The following FBXL2 variants were observed in gnomAD, a reference collection of about 807,000 sequenced individuals.
The protein encoded by FBXL2 is F-box and leucine rich repeat protein 2, also known as F-box/LRR-repeat protein 2.
FBXL2 carries 38 observed loss-of-function variants against 69.2 expected under a neutral mutation model. The ratio of observed to expected loss-of-function variants is 0.55; its 90% CI spans 0.42 to 0.72. The LOEUF (loss-of-function observed/expected upper bound fraction) is 0.72. FBXL2 is among the 30% of genes least tolerant of loss of function. The pLI is 0.00. For synonymous variants in FBXL2, 192 were observed against 201.3 expected (o/e 0.95, Z 0.39); for missense variants, 354 against 520.3 (o/e 0.68, Z 3.11).
chr3:33,280,827 T>G (rs191931068), intron 1 of FBXL2, among the ~76,000 whole-genome samples: 7 of 152,194 alleles, frequency 4.6e-5, no homozygotes, highest in Admixed American at 2.0e-4. Flanking sequence ...GTTTTTGTTA[T>G]TGTTTAACAC....
At chr3:33,331,618 A>G (rs762349243) in intron 2 of FBXL2, among the ~76,000 whole-genome samples, 59 of 152,340 alleles carry the variant, frequency 3.9e-4, no homozygotes, top group Non-Finnish European at 6.9e-4. Context: ...TGCTAGAAGG[A>G]TGAAACCTTT....
intron 2 of FBXL2, among the ~76,000 whole-genome samples, chr3:33,324,294 C>A (rs111994038): frequency 6.6e-6 from 1 of 152,102 alleles, no homozygotes; most frequent in Non-Finnish European, 1.5e-5. Context: ...TGTGCAGAAG[C>A]TTTTTAGTTT....
intron 2 of FBXL2, among the ~76,000 whole-genome samples, chr3:33,307,815 T>C (rs1204009758): frequency 1.3e-5 from 2 of 152,128 alleles, no homozygotes; most frequent in Non-Finnish European, 2.9e-5. Context: ...AACTTTACTG[T>C]AAATCAGAAA....
At chr3:33,391,808 A>G (rs1247746961), downstream of FBXL2, 3 of 152,240 alleles carry the variant, frequency 2.0e-5, no homozygotes, top group Non-Finnish European at 4.4e-5. Context: ...AAATCTAGTC[A>G]CATTACTACT....
At chr3:33,420,067 T>G in the FBXL2 span, among the ~76,000 whole-genome samples, 2 of 152,256 alleles carry the variant, frequency 1.3e-5, no homozygotes, top group South Asian at 2.1e-4. Context: ...TAGTCTAGCT[T>G]CATCAAATGG....
intron 12 of FBXL2, among the ~76,000 whole-genome samples, chr3:33,394,170 C>T (rs1008424125): frequency 1.1e-4 from 17 of 149,242 alleles, no homozygotes; most frequent in African/African-American, 2.2e-4. Flanking sequence ...TGGGGGCACA[C>T]GCCACCATGC....
intron 2 of FBXL2, among the ~76,000 whole-genome samples, chr3:33,356,472 C>T (rs1243065409): frequency 2.0e-5 from 3 of 152,124 alleles, no homozygotes; most frequent in Non-Finnish European, 2.9e-5. Context: ...GCCTCAGCCT[C>T]CTAAGTAACT....
chr3:33,411,497 G>C, the FBXL2 span: 1 of 1,155,334 alleles, frequency 8.7e-7, no homozygotes, highest in Non-Finnish European at 1.3e-6. Flanking sequence ...ACATTTAAAG[G>C]AAATGATACT....
intron 11 of FBXL2, 37 bp from the exon 12 acceptor site, chr3:33,378,066 G>A: frequency 1.2e-6 from 2 of 1,608,996 alleles, no homozygotes; most frequent in Non-Finnish European, 1.7e-6. Flanking sequence ...TGTCACCACT[G>A]ACTCACATGT....
chr3:33,393,971 T>C (rs927096762), intron 12 of FBXL2, among the ~76,000 whole-genome samples: 8 of 152,046 alleles, frequency 5.3e-5, no homozygotes, highest in Admixed American at 1.3e-4. Flanking sequence ...ATATACTTCA[T>C]GTATTTCTAG....
At chr3:33,324,775 T>C (rs2038546971) in intron 2 of FBXL2, among the ~76,000 whole-genome samples, 1 of 152,222 alleles carries the variant, frequency 6.6e-6, no homozygotes. Flanking sequence ...AGGAGTGTCT[T>C]GGCCATACGG....
chr3:33,315,584 T>C (rs1383699896), intron 2 of FBXL2, among the ~76,000 whole-genome samples: 1 of 152,144 alleles, frequency 6.6e-6, no homozygotes, highest in Non-Finnish European at 1.5e-5. Flanking sequence ...GCATTGTCTT[T>C]TTTGTTTACT....
intron 2 of FBXL2, among the ~76,000 whole-genome samples, chr3:33,307,806 A>G (rs1348694250): frequency 6.6e-6 from 1 of 152,124 alleles, no homozygotes; most frequent in Non-Finnish European, 1.5e-5. Flanking sequence ...TACTTTTGCA[A>G]CTTTACTGTA....
At chr3:33,384,315 C>A in intron 14 of FBXL2, 114 bp downstream of exon 14, 2 of 1,002,118 alleles carry the variant, frequency 2.0e-6, no homozygotes, top group Non-Finnish European at 1.5e-6. Context: ...AATCCCAACA[C>A]TTTCAGAAGC....
intron 12 of FBXL2, chr3:33,403,126 A>G (rs2044293882): frequency 2.1e-6 from 1 of 471,392 alleles, no homozygotes; most frequent in Non-Finnish European, 3.8e-6. Context: ...GAGAAGACCT[A>G]AAGTGATGAC....
chr3:33,330,879 ACT>A (rs1405071099), intron 2 of FBXL2, among the ~76,000 whole-genome samples: 1 of 151,534 alleles, frequency 6.6e-6, no homozygotes, highest in Admixed American at 6.6e-5. Context: ...ACAGAACGAG[ACT>A]CTGTCACACA....
chr3:33,370,468 G>GT (rs1351547754), intron 5 of FBXL2, among the ~76,000 whole-genome samples: 3 of 150,390 alleles, frequency 2.0e-5, no homozygotes, highest in Admixed American at 6.6e-5. Flanking sequence ...ACTATTTTTT[G>GT]TTTTTTGTAT....
rs1461292027 is a variant in FBXL2 at position 33,385,600 on chromosome 3, A to C, written c.1264A>C (p.Ile422Leu). The change falls in exon 15 of 15, where the codon ATT (isoleucine) becomes CTT (leucine). Residue 422 changes from isoleucine (I) to leucine (L), a missense_variant. Coordinates refer to ENST00000484457, the MANE Select transcript of FBXL2 (RefSeq NM_012157.5). ...SGQRLCRCCV[I>L]L The stretch of plus-strand genomic sequence containing the variant: ...ACAGCGACTGTGCAGGTGCTGTGTC[A>C]TTCTCTGACAGCAGCTGCCTGGGCC... 1 of 1,613,586 alleles carries C rather than the reference A, an allele frequency of 6.2e-7. No homozygotes were observed. Among genetic ancestry groups the C allele is most frequent in the African/African-American group, 1.3e-5 (1 of 74,814 alleles).
chr3:33,286,018 G>A (rs570297319), intron 1 of FBXL2, among the ~76,000 whole-genome samples: 17 of 152,280 alleles, frequency 1.1e-4, no homozygotes, highest in African/African-American at 3.4e-4. Flanking sequence ...TGTTATTACC[G>A]ATCATCTGAA....
Sources: allele counts gnomAD v4.1 joint callset (sites outside exome capture counted in the v4.1 genomes callset), GRCh38; gene constraint gnomAD v4.1.1; transcripts MANE v1.5; gene names NCBI Gene and HGNC (gene_info 2026-07-23, HGNC 2026-07-21).